ANO5: variants seen among roughly 807,000 people sequenced by gnomAD.
ANO5 encodes anoctamin-5.
ANO5 carries 109 observed loss-of-function variants against 121.0 expected under a neutral mutation model. That is an observed-to-expected ratio of 0.90 (90% CI 0.77 to 1.06). The LOEUF (loss-of-function observed/expected upper bound fraction) is 1.06. Among genes scored for constraint, ANO5 ranks in the 50% least tolerant of loss-of-function variants. The pLI, the probability that ANO5 is intolerant of heterozygous loss-of-function variation, is 0.00. For missense variants in ANO5, 1,064 were observed against 1,078.5 expected (o/e 0.99, Z 0.19); for synonymous variants, 406 against 359.9 (o/e 1.13, Z -1.45).
At chr11:22,219,013 T>A (rs573021687) in intron 4 of ANO5, among the ~76,000 whole-genome samples, 37 of 152,222 alleles carry the variant, frequency 2.4e-4, no homozygotes, top group Non-Finnish European at 4.7e-4. Flanking sequence ...ATTTATATTA[T>A]GTTTTGAGCA....
chr11:22,209,300 C>T (rs6483833), intron 2 of ANO5, among the ~76,000 whole-genome samples: 127,902 of 151,792 alleles, frequency 0.84, 54,385 homozygotes, highest in African/African-American at 0.93. Context: ...ATATTTATTA[C>T]ATGATCACTA....
intron 3 of ANO5, among the ~76,000 whole-genome samples, chr11:22,215,340 T>C (rs191093830): frequency 5.6e-4 from 85 of 152,128 alleles, no homozygotes; most frequent in African/African-American, 2.0e-3. Context: ...GTATTTATAA[T>C]TGATCTGTGC....
intron 10 of ANO5, 40 bp from the exon 11 acceptor site, chr11:22,250,701 C>T (rs763305690): frequency 1.3e-6 from 2 of 1,576,618 alleles, no homozygotes; most frequent in Non-Finnish European, 1.7e-6. Context: ...TTTACCTAAA[C>T]ACCTATCACT....
chr11:22,194,776 C>T (rs959963433), intron 1 of ANO5, among the ~76,000 whole-genome samples: 2 of 152,180 alleles, frequency 1.3e-5, no homozygotes, highest in African/African-American at 4.8e-5. Context: ...GTGCATCATT[C>T]TTATTAATTG....
In ANO5 at chr11:22,221,150, G is replaced by A. The variant is rs772355765; in HGVS notation, c.234G>A (p.Arg78=). ...CTATCTTCTTCCGAGATGGGATTAGGCAAATTGATTTTGTGCTTTCCTACG... is the reference window on the plus strand; with the variant it reads ...CTATCTTCTTCCGAGATGGGATTAGACAAATTGATTTTGTGCTTTCCTACG... The part of the protein sequence containing the change: ...KDSIFFRDGI[R]QIDFVLSYVD... Residue 78 remains arginine, a synonymous_variant, in exon 5 of 22, where the codon AGG becomes AGA. Transcript: ENST00000324559. 3.1e-6 allele frequency: 5 copies of A among 1,611,838 alleles called. No homozygotes were observed. The African/African-American group carries it at 6.7e-5, about 22-fold the overall frequency.
At chr11:22,269,185 AAAGGG>A (rs1171746952) in intron 17 of ANO5, among the ~76,000 whole-genome samples, 30 of 142,868 alleles carry the variant, frequency 2.1e-4, no homozygotes, top group South Asian at 4.4e-4. Flanking sequence ...AAGAGAAGGA[AAAGGG>A]AAGGGAAGGG....
chr11:22,222,985 C>G (rs1022256242), intron 5 of ANO5, among the ~76,000 whole-genome samples: 1 of 152,004 alleles, frequency 6.6e-6, no homozygotes, highest in Non-Finnish European at 1.5e-5. Context: ...AAAACTGAAG[C>G]AAGAAGAGAA....
chr11:22,270,309 C>T lies in ANO5; in HGVS notation c.1899-3C>T, dbSNP rs1199185018. 1 of 1,614,094 alleles carries T rather than the reference C, an allele frequency of 6.2e-7. No homozygotes were observed. Among genetic ancestry groups the T allele is most frequent in the Non-Finnish European group, 8.5e-7 (1 of 1,179,970 alleles). On this transcript the variant is annotated splice_polypyrimidine_tract_variant and splice_region_variant and intron_variant, in intron 17 of 21. Coordinates refer to ENST00000324559, the MANE Select transcript of ANO5 (RefSeq NM_213599.3). Reference sequence around the variant, plus strand: ...ATATATTAACTTTTATCACTTCCAACAGCTTGGCTTTGAATTGGTGGAGAC... The same window carrying T: ...ATATATTAACTTTTATCACTTCCAATAGCTTGGCTTTGAATTGGTGGAGAC...
chr11:22,241,655 A>G (rs1045014539), intron 9 of ANO5, among the ~76,000 whole-genome samples: 20 of 151,876 alleles, frequency 1.3e-4, no homozygotes, highest in Non-Finnish European at 2.5e-4. Flanking sequence ...GATGATGAGC[A>G]TTTTTTCATA....
intron 1 of ANO5, among the ~76,000 whole-genome samples, chr11:22,197,142 G>T (rs1041992218): frequency 6.6e-6 from 1 of 152,032 alleles, no homozygotes; most frequent in African/African-American, 2.4e-5. Flanking sequence ...ATAACATTTT[G>T]CCTTTTAGAC....
intron 1 of ANO5, among the ~76,000 whole-genome samples, chr11:22,195,270 T>A (rs943271177): frequency 4.6e-5 from 7 of 152,150 alleles, no homozygotes; most frequent in African/African-American, 1.7e-4. Flanking sequence ...TTTACAAAAA[T>A]TTAGTTGTAT....
chr11:22,257,635 A>G (rs772985499), intron 13 of ANO5, 45 bp from the exon 14 acceptor site: 4 of 1,492,034 alleles, frequency 2.7e-6, no homozygotes, highest in Admixed American at 1.7e-5. Flanking sequence ...GTCTTGACTT[A>G]GAGGGGAGAT....
intron 1 of ANO5, among the ~76,000 whole-genome samples, chr11:22,197,496 C>T (rs1014879531): frequency 6.6e-6 from 1 of 152,098 alleles, no homozygotes; most frequent in Non-Finnish European, 1.5e-5. Flanking sequence ...GAGACTTTAG[C>T]ATTGGAAAAG....
intron 17 of ANO5, among the ~76,000 whole-genome samples, chr11:22,263,826 T>C (rs1042092985): frequency 6.6e-6 from 1 of 152,004 alleles, no homozygotes; most frequent in Admixed American, 6.6e-5. Flanking sequence ...TTCTCACTCA[T>C]GAAAGAAGAC....
At chr11:22,226,568 A>G (rs1378132036) in intron 6 of ANO5, among the ~76,000 whole-genome samples, 16 of 152,044 alleles carry the variant, frequency 1.1e-4, no homozygotes, top group Admixed American at 5.2e-4. Context: ...CTCTACAAAA[A>G]ATAAAAAATA....
At chr11:22,203,574 T>G (rs921013773) in intron 1 of ANO5, among the ~76,000 whole-genome samples, 12 of 152,276 alleles carry the variant, frequency 7.9e-5, no homozygotes, top group African/African-American at 2.6e-4. Flanking sequence ...AGATTGTATT[T>G]TACACATCAG....
intron 3 of ANO5, among the ~76,000 whole-genome samples, chr11:22,215,597 C>CA (rs1050015279): frequency 6.6e-6 from 1 of 151,820 alleles, no homozygotes; most frequent in Non-Finnish European, 1.5e-5. Context: ...TCTTCCCCTG[C>CA]AAAAAAACTG....
At chr11:22,252,749 T>G (rs1853869375) in intron 12 of ANO5, among the ~76,000 whole-genome samples, 1 of 152,182 alleles carries the variant, frequency 6.6e-6, no homozygotes, top group African/African-American at 2.4e-5. Flanking sequence ...CGTTCCCCAC[T>G]GAGAGATAAT....
At chr11:22,224,709 C>T (rs1379929373) in intron 5 of ANO5, among the ~76,000 whole-genome samples, 1 of 151,962 alleles carries the variant, frequency 6.6e-6, no homozygotes, top group Non-Finnish European at 1.5e-5. Context: ...GAAAAATAGA[C>T]CACTGGGATT....
Sources: allele counts gnomAD v4.1 joint callset (sites outside exome capture counted in the v4.1 genomes callset), GRCh38; gene constraint gnomAD v4.1.1; transcripts MANE v1.5; gene names NCBI Gene and HGNC (gene_info 2026-07-23, HGNC 2026-07-21).